Variants in ABHD17C observed in about 807,000 individuals in gnomAD.
ABHD17C encodes the protein abhydrolase domain containing 17C, depalmitoylase.
Under a neutral mutation model 27.9 loss-of-function variants are expected in ABHD17C, and 11 were observed. The ratio of observed to expected loss-of-function variants is 0.39; its 90% CI spans 0.25 to 0.65. The LOEUF (loss-of-function observed/expected upper bound fraction) is 0.65. Among genes scored for constraint, ABHD17C ranks in the 30% least tolerant of loss-of-function variants. ABHD17C has a pLI of 0.45. For synonymous variants in ABHD17C, 233 were observed against 209.1 expected, an observed-to-expected ratio of 1.11 and a Z score of -0.98; for missense variants, 280 against 470.2, an observed-to-expected ratio of 0.60 and a Z score of 3.74.
In ABHD17C at chr15:80,715,748, G is replaced by A. The variant is rs1395567766; in HGVS notation, c.590+19729G>A. Among the ~76,000 whole-genome samples, 5 of 152,232 alleles carry A rather than the reference G, an allele frequency of 3.3e-5. No homozygotes were observed. In the East Asian group the frequency reaches 5.8e-4, roughly 18 times the overall value. On this transcript the variant is annotated intron_variant, in intron 1 of 2. Transcript: ENST00000258884. ...CATGGCTGTTAAGTAGTGAGTGCAA[G>A]GTTTCCATGTATTTCTTTCGACTTT...
chr15:80,695,344 TC>T lies in ABHD17C; in HGVS notation c.-83del. 2 of 936,762 alleles carry T rather than the reference TC, an allele frequency of 2.1e-6. No individual in the cohort carries two copies. The highest frequency in any genetic ancestry group is 1.3e-6 in the Non-Finnish European group (1 of 754,112). The allele number at this position is 936,762 out of a possible 1,614,324, so 58.0% of individuals were successfully genotyped here. A position where few individuals can be genotyped will look rare whatever the true frequency, so the allele number is the denominator to read the frequency against. On this transcript the variant is annotated 5_prime_UTR_variant, in exon 1 of 3. Coordinates refer to ENST00000258884, the MANE Select transcript of ABHD17C (RefSeq NM_021214.2). The surrounding 1 kb of genome is among the most constrained non-coding windows in gnomAD (Gnocchi z 4.3). ...CCGCCCTCCGCGCTCGCCTGCCAGC[TC>T]CCTCGCCGCGCGTCCGTCCTCCGTC...
At position 80,754,126 on chromosome 15, in the gene ABHD17C, T is replaced by C. The variant is rs368698065; in HGVS notation, c.771-25T>C. 1.9e-5 allele frequency: 30 copies of C among 1,578,768 alleles called. No homozygotes were observed. In the African/African-American group the frequency reaches 3.5e-4, roughly 18 times the overall value. Reference sequence around the variant, plus strand: ...AGCATAACTAATGGAGTCCTCTTTCTGCCTCCCCCCTTTCTGTTTTGCAGC... The same window carrying C: ...AGCATAACTAATGGAGTCCTCTTTCCGCCTCCCCCCTTTCTGTTTTGCAGC... On this transcript the variant is annotated intron_variant, in intron 2 of 2. Coordinates refer to ENST00000258884, the MANE Select transcript of ABHD17C (RefSeq NM_021214.2).
chr15:80,740,661 C>T (rs542291907), intron 1 of ABHD17C, among the ~76,000 whole-genome samples: 24 of 152,236 alleles, frequency 1.6e-4, no homozygotes, highest in African/African-American at 5.3e-4. Flanking sequence ...ACCGCCTCAG[C>T]ATTCTCATCA....
intron 1 of ABHD17C, among the ~76,000 whole-genome samples, chr15:80,705,366 T>TGTGTGTGTGTGTGTGTGG (rs1300324609): frequency 4.8e-4 from 73 of 150,790 alleles, no homozygotes; most frequent in Non-Finnish European, 6.7e-4. Flanking sequence ...TGTGTGTGTG[T>TGTGTGTGTGTGTGTGTGG]GGTTAGGAGC....
chr15:80,717,637 C>A (rs1030132258), intron 1 of ABHD17C, among the ~76,000 whole-genome samples: 3 of 152,190 alleles, frequency 2.0e-5, no homozygotes, highest in African/African-American at 7.2e-5. Context: ...CCACCCGCCT[C>A]GGCCTCCCAA....
At chr15:80,709,203 T>C (rs1475867693) in intron 1 of ABHD17C, among the ~76,000 whole-genome samples, 1 of 151,546 alleles carries the variant, frequency 6.6e-6, no homozygotes, top group Non-Finnish European at 1.5e-5. Context: ...AAAAAAGCTA[T>C]TGGGGCCTGG....
chr15:80,749,425 T>G, intron 1 of ABHD17C, 88 bp from the exon 2 acceptor site: 3 of 1,382,454 alleles, frequency 2.2e-6, no homozygotes, highest in Non-Finnish European at 3.0e-6. Context: ...GATGTGGGAA[T>G]TTTATGGGTT....
At chr15:80,725,571 A>G (rs1003097608) in intron 1 of ABHD17C, among the ~76,000 whole-genome samples, 5 of 152,178 alleles carry the variant, frequency 3.3e-5, no homozygotes, top group Non-Finnish European at 5.9e-5. Context: ...GGAGTTCAGT[A>G]GCATGATCCT....
intron 1 of ABHD17C, among the ~76,000 whole-genome samples, chr15:80,710,861 G>A (rs1894719875): frequency 6.6e-6 from 1 of 152,104 alleles, no homozygotes; most frequent in African/African-American, 2.4e-5. Context: ...ACAGGCATGA[G>A]CCACCGTGCC....
At chr15:80,739,746 C>G (rs1895181150) in intron 1 of ABHD17C, among the ~76,000 whole-genome samples, 1 of 152,166 alleles carries the variant, frequency 6.6e-6, no homozygotes, top group Admixed American at 6.5e-5. Flanking sequence ...AACCTCTGTT[C>G]TTTATAAATT....
intron 1 of ABHD17C, among the ~76,000 whole-genome samples, chr15:80,726,605 C>T (rs1386391817): frequency 5.3e-5 from 8 of 150,586 alleles, no homozygotes; most frequent in Non-Finnish European, 8.9e-5. Flanking sequence ...TCCGCCCCCC[C>T]GCGTTCACAC....
chr15:80,696,070 G>A (rs993319406), intron 1 of ABHD17C, 51 bp downstream of exon 1: 2 of 1,493,842 alleles, frequency 1.3e-6, no homozygotes, highest in Non-Finnish European at 1.8e-6. Context: ...GGGAGGCGGG[G>A]TGGGGGTCTC....
rs748189199 is a variant in ABHD17C at position 80,749,669 on chromosome 15, A to G, written c.747A>G (p.Thr249=). Residue 249 remains threonine, a synonymous_variant, in exon 2 of 3, where the codon ACA becomes ACG. Coordinates refer to ENST00000258884, the MANE Select transcript of ABHD17C (RefSeq NM_021214.2). ...LRVAFPDTRK[T]YCFDAFPSID... ...TGGCTTTTCCGGATACCAGGAAAACATACTGCTTTGATGCTTTCCCCAGGT... is the reference window on the plus strand; with the variant it reads ...TGGCTTTTCCGGATACCAGGAAAACGTACTGCTTTGATGCTTTCCCCAGGT... The G allele has an allele frequency of 1.2e-6, 2 of 1,613,976 alleles. No individual in the cohort carries two copies. The highest frequency in any genetic ancestry group is 4.5e-5 in the East Asian group (2 of 44,866).
intron 1 of ABHD17C, among the ~76,000 whole-genome samples, chr15:80,713,735 G>A (rs920041568): frequency 6.6e-5 from 10 of 151,960 alleles, no homozygotes; most frequent in African/African-American, 2.2e-4. Context: ...CTTGAACCTG[G>A]GAGGCGGAGG....
At chr15:80,721,593 C>CGTCATT (rs1480279201) in intron 1 of ABHD17C, among the ~76,000 whole-genome samples, 1 of 152,218 alleles carries the variant, frequency 6.6e-6, no homozygotes, top group Non-Finnish European at 1.5e-5. Context: ...TAAATGCTAT[C>CGTCATT]GTCATTGTCA....
chr15:80,750,003 A>G (rs1410581310), intron 2 of ABHD17C, among the ~76,000 whole-genome samples: 1 of 152,240 alleles, frequency 6.6e-6, no homozygotes, highest in African/African-American at 2.4e-5. Context: ...AAAGGAACTT[A>G]CAGTTCAGCA....
At chr15:80,720,781 C>T (rs746395156) in intron 1 of ABHD17C, among the ~76,000 whole-genome samples, 4 of 151,982 alleles carry the variant, frequency 2.6e-5, no homozygotes, top group African/African-American at 4.8e-5. Flanking sequence ...ATTAGCCAGG[C>T]GTGGTGACGG....
intron 1 of ABHD17C, among the ~76,000 whole-genome samples, chr15:80,733,151 A>G (rs889596022): frequency 1.3e-5 from 2 of 151,562 alleles, no homozygotes; most frequent in African/African-American, 4.9e-5. Flanking sequence ...TGCAGAGCGT[A>G]CTCTTCTTTC....
At chr15:80,701,987 G>C in intron 1 of ABHD17C, among the ~76,000 whole-genome samples, 1 of 152,116 alleles carries the variant, frequency 6.6e-6, no homozygotes, top group Non-Finnish European at 1.5e-5. Flanking sequence ...AGTACCAGAA[G>C]CTGAGCTCTC....
Sources: allele counts gnomAD v4.1 joint callset (sites outside exome capture counted in the v4.1 genomes callset), GRCh38; gene constraint gnomAD v4.1.1; non-coding constraint Gnocchi (gnomAD v3.1); transcripts MANE v1.5; gene names NCBI Gene and HGNC (gene_info 2026-07-23, HGNC 2026-07-21).